NCKAP1L: variants seen among roughly 807,000 people sequenced by gnomAD.
NCKAP1L encodes the protein NCK associated protein 1 like.
Under a neutral mutation model 139.2 loss-of-function variants are expected in NCKAP1L, and 53 were observed. The observed-to-expected ratio is 0.38, with a 90% CI of 0.31 to 0.48. The LOEUF (loss-of-function observed/expected upper bound fraction) is 0.48, where lower values mean the gene tolerates loss of function less well. NCKAP1L is among the 20% of genes least tolerant of loss of function. The probability of loss-of-function intolerance (pLI) is 0.98; values close to 1 mark genes in which losing one functional copy is unlikely to be tolerated. For missense variants in NCKAP1L, 1,151 were observed against 1,381.9 expected (o/e 0.83, Z 2.65); for synonymous variants, 468 against 499.7 (o/e 0.94, Z 0.85).
intron 3 of NCKAP1L, among the ~76,000 whole-genome samples, chr12:54,505,717 C>A (rs1395099647): frequency 6.7e-6 from 1 of 150,366 alleles, no homozygotes; most frequent in Non-Finnish European, 1.5e-5. Context: ...GGCTGGAGTG[C>A]AATGGTGTGA....
intron 16 of NCKAP1L, 38 bp downstream of exon 16, chr12:54,519,370 T>C: frequency 1.4e-6 from 2 of 1,402,636 alleles, no homozygotes; most frequent in Non-Finnish European, 1.9e-6. Flanking sequence ...AAAAGTTTTA[T>C]TGTTTCCTTT....
intron 20 of NCKAP1L, 61 bp from the exon 21 acceptor site, chr12:54,526,467 A>G: frequency 7.5e-7 from 1 of 1,338,924 alleles, no homozygotes; most frequent in African/African-American, 1.4e-5. Flanking sequence ...TACACTCAAC[A>G]ATTGTTACTG....
intron 26 of NCKAP1L, among the ~76,000 whole-genome samples, chr12:54,534,335 G>C (rs1215553444): frequency 6.6e-6 from 1 of 152,178 alleles, no homozygotes; most frequent in Non-Finnish European, 1.5e-5. Context: ...GGTGTTGCTA[G>C]GACTTGAACC....
At chr12:54,532,521 T>C (rs1309404238) in intron 26 of NCKAP1L, among the ~76,000 whole-genome samples, 1 of 152,052 alleles carries the variant, frequency 6.6e-6, no homozygotes, top group East Asian at 1.9e-4. Flanking sequence ...TAGGATAGTA[T>C]CTGTAGGTTT....
At chr12:54,500,090 A>C (rs563454587) in intron 2 of NCKAP1L, among the ~76,000 whole-genome samples, 22 of 151,036 alleles carry the variant, frequency 1.5e-4, no homozygotes, top group African/African-American at 5.3e-4. Flanking sequence ...TTCCTCTGTC[A>C]GTATATTTCA....
chr12:54,531,116 A>G, intron 22 of NCKAP1L, 144 bp from the exon 23 acceptor site: 1 of 664,660 alleles, frequency 1.5e-6, no homozygotes, highest in Middle Eastern at 3.3e-4. Flanking sequence ...TGAATGTAGG[A>G]TTTTAGGCTA....
intron 22 of NCKAP1L, among the ~76,000 whole-genome samples, chr12:54,530,409 G>A (rs1046811453): frequency 7.2e-5 from 11 of 152,154 alleles, no homozygotes; most frequent in Non-Finnish European, 1.0e-4. Context: ...GGGTGGCAAG[G>A]GATAAAGCAC....
intron 30 of NCKAP1L, among the ~76,000 whole-genome samples, chr12:54,540,036 T>A (rs1957144635): frequency 6.6e-6 from 1 of 152,214 alleles, no homozygotes. Flanking sequence ...TTTCTTCCCT[T>A]CACCCTGTTC....
intron 20 of NCKAP1L, among the ~76,000 whole-genome samples, chr12:54,525,108 G>A (rs1257571244): frequency 6.6e-6 from 1 of 152,074 alleles, no homozygotes; most frequent in Non-Finnish European, 1.5e-5. Flanking sequence ...AGGTGAGGGA[G>A]GTCAGAAAAG....
Position 54,526,693 on chromosome 12 carries a change from A to G in NCKAP1L, c.2322A>G (p.Thr774=), listed in dbSNP as rs781089767. The G allele has an allele frequency of 2.2e-5, 36 of 1,614,050 alleles. No homozygotes were observed. The South Asian group carries it at 3.7e-4, about 17-fold the overall frequency. ...RVIRNALLQQ[T]QPLDSCGEQT... is the part of the protein sequence containing the mutation. ...TCCGCAACGCCCTCCTGCAGCAGAC[A>G]CAACCACTGGATTCCTGTGGGGAAC... The change falls in exon 21 of 31, where the codon ACA becomes ACG. Residue 774 remains threonine, a synonymous_variant. Transcript: ENST00000293373.
Position 54,548,119 on chromosome 12 carries a change from T to G in NCKAP1L, c.*5434T>G, listed in dbSNP as rs1257081725. On this transcript the variant is annotated 3_prime_UTR_variant, in exon 31 of 31. Transcript: ENST00000293373. ...CCCTTCCATTTCACTTCTTTTCTCC[T>G]TCTCTGACTGGGAGAGGAGGAGCCT... is the stretch of plus-strand genomic sequence containing the variant. The G allele has an allele frequency of 6.6e-6, 1 of 152,230 alleles. No homozygotes were observed. Among genetic ancestry groups the G allele is most frequent in the Non-Finnish European group, 1.5e-5 (1 of 68,050 alleles). The allele number at this position is 152,230 out of a possible 1,614,324, so 9.4% of individuals were successfully genotyped here.
intron 3 of NCKAP1L, among the ~76,000 whole-genome samples, chr12:54,505,406 G>T (rs1383443201): frequency 2.0e-5 from 3 of 149,010 alleles, no homozygotes; most frequent in Non-Finnish European, 3.0e-5. Flanking sequence ...CCACTACAAA[G>T]TATTGAATAT....
chr12:54,531,283 C>T lies in NCKAP1L; in HGVS notation c.2530C>T (p.Leu844=), dbSNP rs772596337. ...AGAGATGCGGGCCTTGGCAGAACTC[C>T]TGGGCCCCTATGGCATGAAGTTCCT... is the stretch of plus-strand genomic sequence containing the variant. ...ISEMRALAEL[L]GPYGMKFLSE... Residue 844 remains leucine, a synonymous_variant, in exon 23 of 31, where the codon CTG becomes TTG. Transcript: ENST00000293373. 3 of 1,614,180 alleles carry T rather than the reference C, an allele frequency of 1.9e-6. No homozygotes were observed. In the South Asian group the frequency reaches 3.3e-5, roughly 18 times the overall value.
chr12:54,542,858 T>C lies in NCKAP1L; in HGVS notation c.*173T>C, dbSNP rs545559861. The C allele has an allele frequency of 3.3e-4, 180 of 543,490 alleles. No homozygotes were observed. The highest frequency in any genetic ancestry group is 3.1e-3 in the African/African-American group (165 of 52,950). 33.7% of individuals were successfully genotyped at this position (543,490 alleles called of 1,614,324 possible). A position where few individuals can be genotyped will look rare whatever the true frequency, so the allele number is the denominator to read the frequency against. ...GGAAGAACAATCCAGGGCTGAGAAA[T>C]CGTAGAGCAGTGAGGCAGGCTGGGA... On this transcript the variant is annotated 3_prime_UTR_variant, in exon 31 of 31. Coordinates refer to ENST00000293373, the MANE Select transcript of NCKAP1L (RefSeq NM_005337.5).
chr12:54,520,926 A>C, intron 17 of NCKAP1L, 100 bp downstream of exon 17: 1 of 1,536,066 alleles, frequency 6.5e-7, no homozygotes, highest in East Asian at 2.3e-5. Flanking sequence ...GAAAGGGTAT[A>C]AACATAGATG....
At chr12:54,517,443 T>C (rs1956942436) in intron 11 of NCKAP1L, 90 bp from the exon 12 acceptor site, 5 of 858,040 alleles carry the variant, frequency 5.8e-6, no homozygotes, top group Non-Finnish European at 9.7e-6. Context: ...CACAATTACA[T>C]CCATACCTAT....
intron 7 of NCKAP1L, among the ~76,000 whole-genome samples, chr12:54,510,764 TG>T (rs1355709326): frequency 6.6e-6 from 1 of 151,838 alleles, no homozygotes; most frequent in East Asian, 1.9e-4. Context: ...TCAAGTGATC[TG>T]TGTGCCTTGG....
chr12:54,508,353 A>T (rs1434646891), intron 4 of NCKAP1L, 36 bp from the exon 5 acceptor site: 1 of 1,612,142 alleles, frequency 6.2e-7, no homozygotes, highest in Non-Finnish European at 8.5e-7. Flanking sequence ...TTAATTGGCC[A>T]TGCTGTCCTT....
chr12:54,534,750 A>G (rs556557981), intron 26 of NCKAP1L, among the ~76,000 whole-genome samples: 1 of 152,178 alleles, frequency 6.6e-6, no homozygotes, highest in Non-Finnish European at 1.5e-5. Flanking sequence ...GTAAATTTGT[A>G]CGATGGAGTG....
Sources: gnomAD v4.1 joint callset for allele counts (sites outside exome capture counted in the v4.1 genomes callset) on GRCh38, gnomAD v4.1.1 for gene constraint, MANE v1.5 for transcripts, NCBI Gene and HGNC (gene_info 2026-07-23, HGNC 2026-07-21) for gene names.